RAB11FIP4: variants seen among roughly 807,000 people sequenced by gnomAD.
The protein encoded by RAB11FIP4 is RAB11 family interacting protein 4.
In RAB11FIP4, 23 loss-of-function variants were observed where a neutral mutation model predicts 74.3. The ratio of observed to expected loss-of-function variants is 0.31; its 90% CI spans 0.22 to 0.44. RAB11FIP4 has a LOEUF of 0.44. Ranked by LOEUF, RAB11FIP4 falls within the 20% of genes least tolerant of loss-of-function variation. The pLI, the probability that RAB11FIP4 is intolerant of heterozygous loss-of-function variation, is 1.00. For missense variants in RAB11FIP4, 630 were observed against 863.9 expected, an observed-to-expected ratio of 0.73 and a Z score of 3.39; for synonymous variants, 360 against 359.9, an observed-to-expected ratio of 1.00 and a Z score of 0.00.
rs199947797 is a variant in RAB11FIP4 at position 31,525,204 on chromosome 17, T to C, written c.1248T>C (p.Ala416=). 6.5e-7 allele frequency: 1 copy of C among 1,548,460 alleles called. No homozygotes were observed. Among genetic ancestry groups the C allele is most frequent in the East Asian group, 2.4e-5 (1 of 40,878 alleles). Residue 416 remains alanine, a synonymous_variant, in exon 10 of 15, where the codon GCT becomes GCC. Transcript: ENST00000621161. ...EAYGKLEREK[A]TEVELLNARV... ...ACGGCAAGCTGGAGAGGGAGAAGGC[T>C]ACCGAGGTGGAGCTGCTCAATGCCA...
chr17:31,512,125 T>G lies in RAB11FIP4; in HGVS notation c.337-5526T>G, dbSNP rs193294921. ...GGCGTCCCTCCTGGCTGCTCGTCTG[T>G]CCAGGACATTGCTGGCTGACCAGCC... On this transcript the variant is annotated intron_variant, in intron 3 of 14. Coordinates refer to ENST00000621161, the MANE Select transcript of RAB11FIP4 (RefSeq NM_032932.6). This position sits in a 1 kb window ranked among gnomAD's most constrained non-coding sequence, Gnocchi z 4.1. 6.6e-6 allele frequency among the ~76,000 whole-genome samples: 1 copy of G among 152,290 alleles called. No homozygotes were observed. The highest frequency in any genetic ancestry group is 1.9e-4 in the East Asian group (1 of 5,158).
At chr17:31,451,043 C>T (rs1050398152) in intron 3 of RAB11FIP4, among the ~76,000 whole-genome samples, 1 of 152,170 alleles carries the variant, frequency 6.6e-6, no homozygotes, top group Non-Finnish European at 1.5e-5. Context: ...CATCCACTTC[C>T]CTCCACCTTG....
intron 1 of RAB11FIP4, among the ~76,000 whole-genome samples, chr17:31,425,580 TGG>T (rs2071240431): frequency 6.6e-6 from 1 of 151,666 alleles, no homozygotes; most frequent in African/African-American, 2.4e-5. Context: ...GGGGACTGAG[TGG>T]GGGGAAAAAA....
chr17:31,456,545 G>A (rs934122445), intron 3 of RAB11FIP4, among the ~76,000 whole-genome samples: 1 of 152,158 alleles, frequency 6.6e-6, no homozygotes, highest in African/African-American at 2.4e-5. Context: ...CAGAAAAGAA[G>A]TCCTTCCTGA....
chr17:31,424,173 C>G (rs1256190616), intron 1 of RAB11FIP4, among the ~76,000 whole-genome samples: 1 of 152,216 alleles, frequency 6.6e-6, no homozygotes, highest in African/African-American at 2.4e-5. Context: ...ATTCATCTTA[C>G]TTAACGTTTT....
chr17:31,488,135 C>T (rs2071933689), intron 3 of RAB11FIP4: 4 of 1,040,130 alleles, frequency 3.8e-6, no homozygotes, highest in East Asian at 7.8e-5. Context: ...CGAGCGGCAG[C>T]GGCGCGGCCG....
In RAB11FIP4 at chr17:31,464,295, C is replaced by T. The variant is rs144956023; in HGVS notation, c.336+30173C>T. On this transcript the variant is annotated intron_variant, in intron 3 of 14. Transcript: ENST00000621161. ...ACAGTTGGTGGCATTCTTCCCATCT[C>T]GTGGGCCCACTCATGACAGAGCAGC... 8.0e-3 allele frequency among the ~76,000 whole-genome samples: 1,214 copies of T among 151,686 alleles called. 16 individuals are homozygous for T. Among genetic ancestry groups the T allele is most frequent in the African/African-American group, 0.028 (1,154 of 41,358 alleles).
In RAB11FIP4 at chr17:31,421,007, C is replaced by T. The variant is rs2071193575; in HGVS notation, c.160-10806C>T. Among the ~76,000 whole-genome samples the T allele has an allele frequency of 2.6e-5, 4 of 152,054 alleles. 1 individual carries two copies. In the South Asian group the frequency reaches 8.3e-4, roughly 32 times the overall value. On this transcript the variant is annotated intron_variant, in intron 1 of 14. Coordinates refer to ENST00000621161, the MANE Select transcript of RAB11FIP4 (RefSeq NM_032932.6). ...GTTGAGGCAGGAGAATTGCTTGAAC[C>T]CGGGAGGCAGAGGTTGCAGTGAGCC... is the stretch of plus-strand genomic sequence containing the variant.
chr17:31,521,079 A>C, intron 4 of RAB11FIP4, 87 bp from the exon 5 acceptor site: 2 of 1,075,572 alleles, frequency 1.9e-6, no homozygotes, highest in Non-Finnish European at 2.7e-6. Flanking sequence ...TGCCAATTAA[A>C]GGGAAATGCC....
In RAB11FIP4 at chr17:31,428,792, T is replaced by C. The variant is rs186501071; in HGVS notation, c.160-3021T>C. ...AGCAGTTTTAGATTTAGAAGCAGGC[T>C]TCTGAGCCAGGCGTGGTGGCGTGCC... On this transcript the variant is annotated intron_variant, in intron 1 of 14. Transcript: ENST00000621161. 2.6e-5 allele frequency among the ~76,000 whole-genome samples: 4 copies of C among 152,156 alleles called. No individual in the cohort carries two copies. The East Asian group carries it at 7.7e-4, about 29-fold the overall frequency.
intron 9 of RAB11FIP4, 35 bp from the exon 10 acceptor site, chr17:31,525,055 A>G (rs2072739638): frequency 2.6e-6 from 4 of 1,549,486 alleles, no homozygotes; most frequent in Non-Finnish European, 3.5e-6. Context: ...GAAATGGTGC[A>G]GGCCCCAAGA....
At position 31,518,159 on chromosome 17, in the gene RAB11FIP4, T is replaced by C. The variant is rs1177526999; in HGVS notation, c.563+282T>C. 2.0e-5 allele frequency among the ~76,000 whole-genome samples: 3 copies of C among 152,212 alleles called. No individual in the cohort carries two copies. In the East Asian group the frequency reaches 5.8e-4, roughly 29 times the overall value. ...GCAGGCAAAGGGAGTTTTAAATGAC[T>C]AGTTAATAATATGAGATATATGATC... On this transcript the variant is annotated intron_variant, in intron 4 of 14. Transcript: ENST00000621161.
intron 1 of RAB11FIP4, among the ~76,000 whole-genome samples, chr17:31,407,094 C>T (rs2071050515): frequency 7.5e-6 from 1 of 133,160 alleles, no homozygotes. Context: ...CTCAGTCACC[C>T]AGACTGGAGT....
intron 1 of RAB11FIP4, among the ~76,000 whole-genome samples, chr17:31,396,195 AAAG>A (rs1167437342): frequency 2.7e-4 from 29 of 106,850 alleles, no homozygotes; most frequent in African/African-American, 6.9e-4. Flanking sequence ...AAAAAAAAAA[AAAG>A]AAAAGAAAAG....
Position 31,391,865 on chromosome 17 carries a change from G to C in RAB11FIP4, c.13G>C (p.Ala5Pro). Reference sequence around the variant, plus strand: ...CGGGCCGGCCCGGATGGCGGGCGGCGCGGGCTGGTCGGGCGCCCCCGCGGC... The same window carrying C: ...CGGGCCGGCCCGGATGGCGGGCGGCCCGGGCTGGTCGGGCGCCCCCGCGGC... MAGG[A>P]GWSGAPAALL... is the part of the protein sequence containing the mutation. The change falls in exon 1 of 15, where the codon GCG (alanine) becomes CCG (proline). Residue 5 changes from alanine to proline, a missense_variant. Coordinates refer to ENST00000621161, the MANE Select transcript of RAB11FIP4 (RefSeq NM_032932.6). The C allele has an allele frequency of 8.7e-7, 1 of 1,150,298 alleles. No individual in the cohort carries two copies. The highest frequency in any genetic ancestry group is 1.1e-6 in the Non-Finnish European group (1 of 938,872). The allele number at this position is 1,150,298 out of a possible 1,614,324, so 71.3% of individuals were successfully genotyped here.
intron 1 of RAB11FIP4, among the ~76,000 whole-genome samples, chr17:31,406,217 C>G (rs1008281239): frequency 6.6e-6 from 1 of 152,216 alleles, no homozygotes; most frequent in Non-Finnish European, 1.5e-5. Flanking sequence ...TCCTGGGTAC[C>G]CTGAGCTGAG....
rs558915888 is a variant in RAB11FIP4, at chr17:31,512,262, C to T, written c.337-5389C>T. ...ACCGACTCTCCGGTGTAAATTGTCACGTGTGGCCCCCTAGAGCTGCCACTG... is the reference window on the plus strand; with the variant it reads ...ACCGACTCTCCGGTGTAAATTGTCATGTGTGGCCCCCTAGAGCTGCCACTG... On this transcript the variant is annotated intron_variant, in intron 3 of 14. Coordinates refer to ENST00000621161, the MANE Select transcript of RAB11FIP4 (RefSeq NM_032932.6). The surrounding 1 kb of genome is among the most constrained non-coding windows in gnomAD (Gnocchi z 4.1). Among the ~76,000 whole-genome samples, 41 of 152,300 alleles carry T rather than the reference C, an allele frequency of 2.7e-4. No homozygotes were observed. Among genetic ancestry groups the T allele is most frequent in the Non-Finnish European group, 3.8e-4 (26 of 68,018 alleles).
At chr17:31,424,923 C>A (rs1202701908) in intron 1 of RAB11FIP4, among the ~76,000 whole-genome samples, 2 of 152,098 alleles carry the variant, frequency 1.3e-5, no homozygotes, top group Non-Finnish European at 1.5e-5. Flanking sequence ...GTTGTCAGTA[C>A]CAATGCCAGT....
chr17:31,488,609 C>T (rs2071948105), intron 3 of RAB11FIP4, among the ~76,000 whole-genome samples: 1 of 152,234 alleles, frequency 6.6e-6, no homozygotes, highest in South Asian at 2.1e-4. Context: ...AGCGCCGTAC[C>T]CTTGGGCCGG....
Sources: allele counts gnomAD v4.1 joint callset (sites outside exome capture counted in the v4.1 genomes callset), GRCh38; gene constraint gnomAD v4.1.1; non-coding constraint Gnocchi (gnomAD v3.1); transcripts MANE v1.5; gene names NCBI Gene and HGNC (gene_info 2026-07-23, HGNC 2026-07-21).